The following TNFAIP3 variants were observed in gnomAD, a reference collection of about 807,000 sequenced individuals.
The protein encoded by TNFAIP3 is tumor necrosis factor alpha-induced protein 3.
A neutral mutation model predicts 72.4 loss-of-function variants in TNFAIP3; 9 were observed. The ratio of observed to expected loss-of-function variants is 0.12; its 90% CI spans 0.07 to 0.22. The LOEUF is 0.22. Ranked by LOEUF, TNFAIP3 falls within the 10% of genes least tolerant of loss-of-function variation. The pLI is 1.00. For missense variants in TNFAIP3, 833 were observed against 1,018.7 expected (o/e 0.82, Z 2.48); for synonymous variants, 339 against 372.6 (o/e 0.91, Z 1.04).
In TNFAIP3 at chr6:137,877,141, T is replaced by C. The variant is rs2114490049; in HGVS notation, c.871T>C (p.Leu291=). The part of the protein sequence containing the change: ...GRFEDLKVHF[L]TDPENEMKEK... The stretch of plus-strand genomic sequence containing the variant: ...ATTTGAAGACTTAAAAGTTCACTTT[T>C]TGACAGATCCTGAAAATGAGATGAA... The change falls in exon 6 of 9, where the codon TTG becomes CTG. Residue 291 remains leucine (L), a synonymous_variant. Transcript: ENST00000612899. 6 of 1,614,110 alleles carry C rather than the reference T, an allele frequency of 3.7e-6. No homozygotes were observed. The East Asian group carries it at 1.3e-4, about 36-fold the overall frequency.
intron 7 of TNFAIP3, 117 bp downstream of exon 7, chr6:137,879,468 G>A (rs1776376343): frequency 1.3e-5 from 16 of 1,266,146 alleles, no homozygotes; most frequent in East Asian, 2.4e-5. Context: ...AGGACCTACC[G>A]TGCTTTTCTA....
intron 7 of TNFAIP3, 86 bp from the exon 8 acceptor site, chr6:137,879,985 G>T: frequency 8.4e-7 from 1 of 1,186,614 alleles, no homozygotes; most frequent in Non-Finnish European, 1.2e-6. Context: ...TCTGTATTTG[G>T]AACCCATTTA....
chr6:137,868,510 C>G (rs1775921058), intron 1 of TNFAIP3, among the ~76,000 whole-genome samples: 1 of 151,466 alleles, frequency 6.6e-6, no homozygotes, highest in Non-Finnish European at 1.5e-5. Context: ...AGAGGCACAT[C>G]CCCAAATTTG....
In TNFAIP3 at chr6:137,879,256, C is replaced by G. The variant is rs564646155; in HGVS notation, c.1811C>G (p.Thr604Arg). The G allele has an allele frequency of 5.6e-6, 9 of 1,614,152 alleles. No individual in the cohort carries two copies. In the African/African-American group the frequency reaches 6.7e-5, roughly 12 times the overall value. ...CGGACTCCTGGGGACAGGACGGGGA[C>G]GAGCAAGTGCAGAAAAGCCGGCTGC... ...AARTPGDRTG[T>R]SKCRKAGCVY... The change falls in exon 7 of 9, where the codon ACG becomes AGG. Residue 604 changes from threonine (T) to arginine (R), a missense_variant. Physicochemically the swap from Thr to Arg is moderately conservative, Grantham distance 71. This residue lies in a region of TNFAIP3 where 587 missense variants were observed against 657.8 expected (regional missense o/e 0.89). Coordinates refer to ENST00000612899, the MANE Select transcript of TNFAIP3 (RefSeq NM_001270508.2).
chr6:137,882,666 G>A lies in TNFAIP3; in HGVS notation c.*1347G>A. On this transcript the variant is annotated 3_prime_UTR_variant, in exon 9 of 9. Transcript: ENST00000612899. Reference sequence around the variant, plus strand: ...GGGATGAGACTGGCAATGGTCACAGGGAAAGATGTGGCCTTTTGTGATGGT... The same window carrying A: ...GGGATGAGACTGGCAATGGTCACAGAGAAAGATGTGGCCTTTTGTGATGGT... The A allele has an allele frequency of 4.3e-6, 1 of 233,008 alleles. No homozygotes were observed. The highest frequency in any genetic ancestry group is 2.2e-5 in the African/African-American group (1 of 45,408). 14.4% of individuals were successfully genotyped at this position (233,008 alleles called of 1,614,324 possible).
chr6:137,877,168 G>A lies in TNFAIP3; in HGVS notation c.898G>A (p.Glu300Lys), dbSNP rs201943285. The A allele has an allele frequency of 2.2e-5, 35 of 1,613,840 alleles. No homozygotes were observed. The highest frequency in any genetic ancestry group is 2.5e-6 in the Non-Finnish European group (3 of 1,179,960). Residue 300 changes from glutamate to lysine, a missense_variant, in exon 6 of 9, where the codon GAG becomes AAG. Transcript: ENST00000612899. The part of the protein sequence containing the change: ...FLTDPENEMK[E>K]KLLKEYLMVI... ...GACAGATCCTGAAAATGAGATGAAGGAGAAGCTCTTAAAAGAGTACTTAAT... is the reference window on the plus strand; with the variant it reads ...GACAGATCCTGAAAATGAGATGAAGAAGAAGCTCTTAAAAGAGTACTTAAT...
At chr6:137,870,677 A>C (rs1427938637) in intron 1 of TNFAIP3, among the ~76,000 whole-genome samples, 2 of 152,256 alleles carry the variant, frequency 1.3e-5, no homozygotes, top group East Asian at 3.8e-4. Context: ...AAGATTTTTC[A>C]TAAAGTATTT....
At position 137,867,558 on chromosome 6, in the gene TNFAIP3, C is replaced by T. The variant is rs1168636426; in HGVS notation, c.-16+16C>T. The stretch of plus-strand genomic sequence containing the variant: ...TCCCGGAGAGGTAACCGCCGCGCCT[C>T]CCCGTGCCGTCTGCCTCGGGCTCAC... On this transcript the variant is annotated intron_variant, in intron 1 of 8. Coordinates refer to ENST00000612899, the MANE Select transcript of TNFAIP3 (RefSeq NM_001270508.2). The surrounding 1 kb of genome is among the most constrained non-coding windows in gnomAD (Gnocchi z 6.0). The T allele has an allele frequency of 6.6e-6, 1 of 152,140 alleles. No individual in the cohort carries two copies. The allele number at this position is 152,140 out of a possible 1,614,324, so 9.4% of individuals were successfully genotyped here.
chr6:137,879,094 G>A lies in TNFAIP3; in HGVS notation c.1649G>A (p.Ser550Asn). 1 of 1,614,168 alleles carries A rather than the reference G, an allele frequency of 6.2e-7. No homozygotes were observed. Among genetic ancestry groups the A allele is most frequent in the African/African-American group, 1.3e-5 (1 of 75,034 alleles). The change falls in exon 7 of 9, where the codon AGC becomes AAC. Residue 550 changes from serine to asparagine, a missense_variant. By Grantham distance (46) the Ser-to-Asn change is conservative (BLOSUM62 1). Transcript: ENST00000612899. ...AGGACTACAGCAGAGGCCTCCTCCA[G>A]CCTCAGCACCAGCCTCCCTCCTTCC... Reference protein sequence around the residue: ...FKRTTAEASSSLSTSLPPSCH... With the variant: ...FKRTTAEASSNLSTSLPPSCH...
intron 5 of TNFAIP3, among the ~76,000 whole-genome samples, chr6:137,876,778 C>T (rs1201891201): frequency 6.6e-6 from 1 of 152,202 alleles, no homozygotes; most frequent in African/African-American, 2.4e-5. Flanking sequence ...TGCCACACAG[C>T]TTGATAGTGA....
At chr6:137,874,190 T>G (rs1314845616) in intron 2 of TNFAIP3, among the ~76,000 whole-genome samples, 1 of 152,206 alleles carries the variant, frequency 6.6e-6, no homozygotes, top group East Asian at 1.9e-4. Context: ...TACTTTACAG[T>G]TACTAACAAG....
chr6:137,873,694 A>G (rs932088415), intron 2 of TNFAIP3, among the ~76,000 whole-genome samples: 1 of 152,186 alleles, frequency 6.6e-6, no homozygotes, highest in South Asian at 2.1e-4. Context: ...GAACGCAATC[A>G]TTGCTACACG....
chr6:137,876,078 T>C lies in TNFAIP3; in HGVS notation c.717T>C (p.Pro239=). 6.2e-7 allele frequency: 1 copy of C among 1,614,224 alleles called. No homozygotes were observed. Among genetic ancestry groups the C allele is most frequent in the East Asian group, 2.2e-5 (1 of 44,894 alleles). ...VGGIYLPLHW[P]AQECYRYPIV... ...GAATTTACTTGCCTCTCCACTGGCC[T>C]GCCCAGGAATGCTACAGATACCCCA... Residue 239 remains proline (P), a synonymous_variant, in exon 5 of 9, where the codon CCT becomes CCC. Coordinates refer to ENST00000612899, the MANE Select transcript of TNFAIP3 (RefSeq NM_001270508.2).
In TNFAIP3 at chr6:137,867,647, G is replaced by T. The variant is rs540761251; in HGVS notation, c.-16+105G>T. 6.5e-6 allele frequency: 1 copy of T among 153,146 alleles called. No individual in the cohort carries two copies. The highest frequency in any genetic ancestry group is 1.9e-4 in the East Asian group (1 of 5,332). 9.5% of individuals were successfully genotyped at this position (153,146 alleles called of 1,614,324 possible). ...CCCGGGCTGGCACCGTCTACCTGGC[G>T]TTGGTTTTGCAGCGCTCCTGGACTG... On this transcript the variant is annotated intron_variant, in intron 1 of 8. Transcript: ENST00000612899. The surrounding 1 kb of genome is among the most constrained non-coding windows in gnomAD (Gnocchi z 6.0).
In TNFAIP3 at chr6:137,880,155, C is replaced by A; in HGVS notation, c.1991C>A (p.Thr664Asn). 1.2e-6 allele frequency: 2 copies of A among 1,614,036 alleles called. No homozygotes were observed. Among genetic ancestry groups the A allele is most frequent in the Non-Finnish European group, 1.7e-6 (2 of 1,180,000 alleles). Residue 664 changes from threonine to asparagine, a missense_variant, in exon 8 of 9, where the codon ACC becomes AAC. Around this residue, in one of 2 missense-constraint regions of TNFAIP3, gnomAD observed 587 missense variants for 657.8 expected, o/e 0.89. Transcript: ENST00000612899. ...CCGTGCCTGGGGAGGGAATGCGGCA[C>A]CCTTGGAAGCACCATGTTTGAAGGA... Reference protein sequence around the residue: ...TIPCLGRECGTLGSTMFEGYC... With the variant: ...TIPCLGRECGNLGSTMFEGYC...
chr6:137,875,949 T>G, intron 4 of TNFAIP3, 47 bp from the exon 5 acceptor site: 1 of 1,600,156 alleles, frequency 6.2e-7, no homozygotes, highest in Non-Finnish European at 8.5e-7. Context: ...TGGAATTTGA[T>G]GAAAGTCACC....
rs1261510652 is a variant in TNFAIP3 at position 137,878,464 on chromosome 6, A to G, written c.1019A>G (p.Asn340Ser). 2 of 1,611,402 alleles carry G rather than the reference A, an allele frequency of 1.2e-6. No homozygotes were observed. The highest frequency in any genetic ancestry group is 2.7e-5 in the African/African-American group (2 of 75,012). ...LDEANLPKEI[N>S]LVDDYFELVQ... ...GAAGCTAACTTACCAAAAGAAATCA[A>G]TCTGGTAGATGATTACTTTGAACTT... Residue 340 changes from asparagine to serine, a missense_variant, in exon 7 of 9, where the codon AAT (asparagine) becomes AGT (serine). Transcript: ENST00000612899.
chr6:137,875,823 A>G lies in TNFAIP3; in HGVS notation c.622A>G (p.Ile208Val), dbSNP rs754045894. ...VLCNILRRPIIVISDKMLRSL... is the reference protein window; with the variant it reads ...VLCNILRRPIVVISDKMLRSL... ...TTGCAACATCCTCAGAAGGCCAATC[A>G]TTGTCATTTCAGGTGAGATGCCTGC... The change falls in exon 4 of 9, where the codon ATT becomes GTT. Residue 208 changes from isoleucine (I) to valine (V), a missense_variant. Transcript: ENST00000612899. The G allele has an allele frequency of 3.1e-6, 5 of 1,614,080 alleles. No individual in the cohort carries two copies. In the African/African-American group the frequency reaches 6.7e-5, roughly 22 times the overall value.
In TNFAIP3 at chr6:137,879,412, G is replaced by A. The variant is rs1055581006; in HGVS notation, c.1906+61G>A. The A allele has an allele frequency of 2.2e-5, 33 of 1,526,128 alleles. No homozygotes were observed. The African/African-American group carries it at 4.2e-4, about 19-fold the overall frequency. 94.5% of individuals were successfully genotyped at this position (1,526,128 alleles called of 1,614,324 possible). On this transcript the variant is annotated intron_variant, in intron 7 of 8. Coordinates refer to ENST00000612899, the MANE Select transcript of TNFAIP3 (RefSeq NM_001270508.2). ...GCTGTCCAGAAGGGGTTTTGTTCCT[G>A]ACCTTTAAGAAAAAAAGCCCATGTA...
Sources: allele counts gnomAD v4.1 joint callset (sites outside exome capture counted in the v4.1 genomes callset), GRCh38; gene constraint gnomAD v4.1.1; regional missense constraint gnomAD v4.1.1; non-coding constraint Gnocchi (gnomAD v3.1); transcripts MANE v1.5; gene names NCBI Gene and HGNC (gene_info 2026-07-23, HGNC 2026-07-21).